SRGAP2: variants seen among roughly 807,000 people sequenced by gnomAD.
SRGAP2 encodes the protein SLIT-ROBO Rho GTPase-activating protein 2.
A neutral mutation model predicts 57.2 loss-of-function variants in SRGAP2; 15 were observed. The ratio of observed to expected loss-of-function variants is 0.26; its 90% CI spans 0.18 to 0.40. The LOEUF (loss-of-function observed/expected upper bound fraction) is 0.40, where lower values mean the gene tolerates loss of function less well. Among genes scored for constraint, SRGAP2 ranks in the 10% least tolerant of loss-of-function variants. The pLI, the probability that SRGAP2 is intolerant of heterozygous loss-of-function variation, is 1.00. For missense variants in SRGAP2, 520 were observed against 669.6 expected (o/e 0.78, Z 2.47); for synonymous variants, 249 against 248.0 (o/e 1.00, Z -0.04).
intron 4 of SRGAP2, among the ~76,000 whole-genome samples, chr1:206,359,711 A>G (rs1463433854): frequency 1.9e-4 from 27 of 139,642 alleles, no homozygotes; most frequent in Non-Finnish European, 3.7e-4. Context: ...GTTGAAACAG[A>G]TAATACATAA....
At chr1:206,317,801 C>CTTTTCTGCTAGCTT (rs1553326439) in intron 3 of SRGAP2, among the ~76,000 whole-genome samples, 1 of 144,624 alleles carries the variant, frequency 6.9e-6, no homozygotes, top group African/African-American at 2.7e-5. Context: ...TCTGCTAGCT[C>CTTTTCTGCTAGCTT]CTCCTTTTAT....
rs1379806679 is a variant in SRGAP2, at chr1:206,307,222, A to C, written c.260+3749A>C. On this transcript the variant is annotated intron_variant, in intron 3 of 22. Coordinates refer to ENST00000573034, the MANE Select transcript of SRGAP2 (RefSeq NM_015326.5). ...TGTATTTACAATCCTTGAGCTAGACATAAAGGTTCTCCACGTCCTCACTAG... is the reference window on the plus strand; with the variant it reads ...TGTATTTACAATCCTTGAGCTAGACCTAAAGGTTCTCCACGTCCTCACTAG... Among the ~76,000 whole-genome samples the C allele has an allele frequency of 2.6e-5, 4 of 152,006 alleles. No homozygotes were observed. In the East Asian group the frequency reaches 7.8e-4, roughly 29 times the overall value.
At chr1:206,329,754 G>A (rs1202614713) in intron 3 of SRGAP2, among the ~76,000 whole-genome samples, 1 of 144,646 alleles carries the variant, frequency 6.9e-6, no homozygotes, top group African/African-American at 2.6e-5. Flanking sequence ...TCTGCAAACA[G>A]GGACAATTTG....
chr1:206,217,361 C>T (rs1666713687), intron 2 of SRGAP2, among the ~76,000 whole-genome samples: 2 of 151,100 alleles, frequency 1.3e-5, no homozygotes, highest in African/African-American at 4.9e-5. Context: ...CTACAGGATT[C>T]TACACAGGCA....
chr1:206,420,224 A>G (rs1232889053), intron 12 of SRGAP2, among the ~76,000 whole-genome samples: 1 of 152,222 alleles, frequency 6.6e-6, no homozygotes, highest in Non-Finnish European at 1.5e-5. Context: ...TTATAGGTTC[A>G]TTATTTAGAG....
chr1:206,423,949 A>ATTTTTTT (rs782243765), intron 13 of SRGAP2, among the ~76,000 whole-genome samples: 21 of 87,710 alleles, frequency 2.4e-4, no homozygotes, highest in East Asian at 7.1e-4. Context: ...TAATTTATGT[A>ATTTTTTT]TTTTTTTTTT....
chr1:206,260,530 G>T lies in SRGAP2; in HGVS notation c.68-42751G>T, dbSNP rs1553313322. Among the ~76,000 whole-genome samples, 4 of 152,038 alleles carry T rather than the reference G, an allele frequency of 2.6e-5. No homozygotes were observed. The East Asian group carries it at 7.7e-4, about 29-fold the overall frequency. On this transcript the variant is annotated intron_variant, in intron 2 of 22. Coordinates refer to ENST00000573034, the MANE Select transcript of SRGAP2 (RefSeq NM_015326.5). The stretch of plus-strand genomic sequence containing the variant: ...GTGTTTCTTTATGTAAATAAAAGGA[G>T]ATATGAACATATGTTCTTACCCCTC...
At chr1:206,322,350 G>A (rs1417284675) in intron 3 of SRGAP2, among the ~76,000 whole-genome samples, 3 of 146,086 alleles carry the variant, frequency 2.1e-5, no homozygotes, top group East Asian at 2.0e-4. Flanking sequence ...GAGGCGGGCC[G>A]ATCATGAGGT....
chr1:206,434,323 A>G (rs1661538753), intron 14 of SRGAP2, among the ~76,000 whole-genome samples: 1 of 152,226 alleles, frequency 6.6e-6, no homozygotes, highest in Non-Finnish European at 1.5e-5. Context: ...CATTTTCATG[A>G]GGAAGGGAGC....
intron 4 of SRGAP2, among the ~76,000 whole-genome samples, chr1:206,358,478 C>T (rs1263606039): frequency 1.3e-5 from 2 of 151,460 alleles, no homozygotes; most frequent in African/African-American, 4.9e-5. Flanking sequence ...CTTTAATCAT[C>T]TCTTCTCCAA....
chr1:206,440,084 G>A lies in SRGAP2; in HGVS notation c.1874+3G>A, dbSNP rs899677908. The A allele has an allele frequency of 1.3e-6, 1 of 780,694 alleles. No homozygotes were observed. 48.4% of individuals were successfully genotyped at this position (780,694 alleles called of 1,614,324 possible). On this transcript the variant is annotated splice_donor_region_variant and intron_variant, in intron 17 of 22. Coordinates refer to ENST00000573034, the MANE Select transcript of SRGAP2 (RefSeq NM_015326.5). The stretch of plus-strand genomic sequence containing the variant: ...TACCTCTTTGCCTTCCTCAATCAGT[G>A]AGTAGCCTTCCCAGTGAACAGCTGG...
At chr1:206,356,088 GA>G (rs1676414253) in intron 4 of SRGAP2, among the ~76,000 whole-genome samples, 1 of 143,034 alleles carries the variant, frequency 7.0e-6, no homozygotes. Flanking sequence ...AGTCTTGGGA[GA>G]AACCACACAC....
chr1:206,302,540 T>G (rs1444699605), intron 2 of SRGAP2, among the ~76,000 whole-genome samples: 8 of 151,834 alleles, frequency 5.3e-5, no homozygotes, highest in Non-Finnish European at 1.0e-4. Context: ...GTGATATTTG[T>G]TAGTGAAAAA....
intron 5 of SRGAP2, among the ~76,000 whole-genome samples, chr1:206,384,847 T>C (rs1656054143): frequency 6.7e-6 from 1 of 150,314 alleles, no homozygotes; most frequent in African/African-American, 2.5e-5. Context: ...AGGGAATACT[T>C]AAGTTATACA....
At chr1:206,210,658 G>A (rs1485679683) in intron 2 of SRGAP2, among the ~76,000 whole-genome samples, 1 of 148,614 alleles carries the variant, frequency 6.7e-6, no homozygotes, top group Admixed American at 6.6e-5. Flanking sequence ...CTTTCCCTTG[G>A]GAGGTCTGAG....
At chr1:206,416,371 C>T (rs1010037493) in intron 11 of SRGAP2, among the ~76,000 whole-genome samples, 2 of 152,126 alleles carry the variant, frequency 1.3e-5, no homozygotes, top group Non-Finnish European at 1.5e-5. Flanking sequence ...AGATGAGATA[C>T]GCAGCTGCTC....
chr1:206,340,743 T>C (rs797028419), intron 3 of SRGAP2, among the ~76,000 whole-genome samples: 18 of 149,160 alleles, frequency 1.2e-4, no homozygotes, highest in African/African-American at 4.5e-4. Context: ...TCAGATGCTA[T>C]GGAATGCATG....
At chr1:206,299,158 C>A in intron 2 of SRGAP2, among the ~76,000 whole-genome samples, 1 of 144,834 alleles carries the variant, frequency 6.9e-6, no homozygotes, top group Middle Eastern at 3.4e-3. Context: ...CCAGGGAATT[C>A]TTTTGTACCC....
At chr1:206,439,921 A>G (rs1553371316) in intron 16 of SRGAP2, 55 bp from the exon 17 acceptor site, 1 of 764,012 alleles carries the variant, frequency 1.3e-6, no homozygotes, top group Non-Finnish European at 2.4e-6. Context: ...TCTGATCATT[A>G]CTGCCTGGGA....
Sources: gnomAD v4.1 joint callset for allele counts (sites outside exome capture counted in the v4.1 genomes callset) on GRCh38, gnomAD v4.1.1 for gene constraint, MANE v1.5 for transcripts, NCBI Gene and HGNC (gene_info 2026-07-23, HGNC 2026-07-21) for gene names.